The following LLGL2 variants were observed in gnomAD, a reference collection of about 807,000 sequenced individuals.
LLGL2 encodes LLGL scribble cell polarity complex component 2, also known as LLGL2, scribble cell polarity complex component.
Under a neutral mutation model 123.2 loss-of-function variants are expected in LLGL2, and 81 were observed. That is an observed-to-expected ratio of 0.66 (90% confidence interval 0.55 to 0.79). LLGL2 has a LOEUF of 0.79. Ranked by LOEUF, LLGL2 falls within the 30% of genes least tolerant of loss-of-function variation. The pLI, the probability that LLGL2 is intolerant of heterozygous loss-of-function variation, is 0.00. For missense variants in LLGL2, 1,273 were observed against 1,414.6 expected (o/e 0.90, Z 1.61); for synonymous variants, 577 against 594.1 (o/e 0.97, Z 0.42).
At chr17:75,557,009 A>G (rs1271682036) in intron 3 of LLGL2, among the ~76,000 whole-genome samples, 1 of 149,956 alleles carries the variant, frequency 6.7e-6, no homozygotes, top group Non-Finnish European at 1.5e-5. Flanking sequence ...AGCCTGGGCA[A>G]CAGAGTGAGA....
In LLGL2 at chr17:75,573,002, C is replaced by T. The variant is rs769270783; in HGVS notation, c.2461-12C>T. 3 of 1,593,392 alleles carry T rather than the reference C, an allele frequency of 1.9e-6. No individual in the cohort carries two copies. Among genetic ancestry groups the T allele is most frequent in the African/African-American group, 1.3e-5 (1 of 74,592 alleles). On this transcript the variant is annotated splice_polypyrimidine_tract_variant and intron_variant, in intron 19 of 25. Coordinates refer to ENST00000392550, the MANE Select transcript of LLGL2 (RefSeq NM_001031803.2). ...TTGGCCATGGGCATGAACAACCACC[C>T]CACGCCCCCAGGTGTTCACGCTGCC...
intron 2 of LLGL2, among the ~76,000 whole-genome samples, chr17:75,547,519 G>A (rs977208625): frequency 2.0e-5 from 3 of 152,222 alleles, no homozygotes; most frequent in Non-Finnish European, 4.4e-5. Flanking sequence ...TTCTTTGGCT[G>A]GGCTATGAAT....
chr17:75,525,754 G>A lies in LLGL2; in HGVS notation c.-102G>A, dbSNP rs2053537593. 6.8e-6 allele frequency: 1 copy of A among 147,252 alleles called. No individual in the cohort carries two copies. The highest frequency in any genetic ancestry group is 2.4e-5 in the African/African-American group (1 of 41,140). The allele number at this position is 147,252 out of a possible 1,614,324, so 9.1% of individuals were successfully genotyped here. On this transcript the variant is annotated 5_prime_UTR_variant, in exon 1 of 26. Coordinates refer to ENST00000392550, the MANE Select transcript of LLGL2 (RefSeq NM_001031803.2). The surrounding 1 kb of genome is among the most constrained non-coding windows in gnomAD (Gnocchi z 4.8). ...CCAGCAGCCCGTGGGCAGGCGCGGC[G>A]GAGCGAGCGGGGCCGGCGGCGGGCG...
At chr17:75,542,044 G>A (rs77865803) in intron 1 of LLGL2, among the ~76,000 whole-genome samples, 1,822 of 151,822 alleles carry the variant, frequency 0.012, 23 homozygotes, top group Middle Eastern at 0.017. Context: ...TTGTAAAATC[G>A]GGTCACCCTC....
chr17:75,568,552 G>T lies in LLGL2; in HGVS notation c.1113G>T (p.Trp371Cys). The change falls in exon 11 of 26, where the codon TGG (tryptophan) becomes TGT (cysteine). Residue 371 changes from tryptophan (W) to cysteine (C), a missense_variant. Physicochemically the swap from Trp to Cys is radical, Grantham distance 215. Transcript: ENST00000392550. ...TGATTGACCTGCAGACAGCAGGCTG[G>T]CCACCGGTCCAGCTGCCCTACCTGG... ...LVVIDLQTAG[W>C]PPVQLPYLAS... 1 of 1,613,692 alleles carries T rather than the reference G, an allele frequency of 6.2e-7. No individual in the cohort carries two copies. Among genetic ancestry groups the T allele is most frequent in the Non-Finnish European group, 8.5e-7 (1 of 1,180,004 alleles).
intron 1 of LLGL2, among the ~76,000 whole-genome samples, chr17:75,535,473 A>G (rs2053966101): frequency 6.6e-6 from 1 of 152,342 alleles, no homozygotes; most frequent in South Asian, 2.1e-4. Context: ...AATGAGATCA[A>G]TGGAACTTCC....
In LLGL2 at chr17:75,556,079, G is replaced by T. The variant is rs765238069; in HGVS notation, c.109G>T (p.Ala37Ser). Reference protein sequence around the residue: ...VEHGFPHQPSALGYSPSLRIL... With the variant: ...VEHGFPHQPSSLGYSPSLRIL... Reference sequence around the variant, plus strand: ...GCATGGCTTCCCGCACCAGCCCAGCGCCCTCGGCTACAGCCCGTCCCTGCG... The same window carrying T: ...GCATGGCTTCCCGCACCAGCCCAGCTCCCTCGGCTACAGCCCGTCCCTGCG... The change falls in exon 3 of 26, where the codon GCC becomes TCC. Residue 37 changes from alanine (A) to serine (S), a missense_variant. Transcript: ENST00000392550. The T allele has an allele frequency of 2.5e-6, 4 of 1,609,640 alleles. No individual in the cohort carries two copies. The South Asian group carries it at 3.3e-5, about 13-fold the overall frequency.
At position 75,558,527 on chromosome 17, in the gene LLGL2, C is replaced by A; in HGVS notation, c.271C>A (p.Leu91Met). Residue 91 changes from leucine to methionine, a missense_variant, in exon 5 of 26, where the codon CTG becomes ATG. By Grantham distance (15) the Leu-to-Met change is conservative (BLOSUM62 2). Coordinates refer to ENST00000392550, the MANE Select transcript of LLGL2 (RefSeq NM_001031803.2). This position sits in a 1 kb window ranked among gnomAD's most constrained non-coding sequence, Gnocchi z 4.0. Reference protein sequence around the residue: ...LLPGQCQLVTLLDDNSLHLWS... With the variant: ...LLPGQCQLVTMLDDNSLHLWS... ...CCCTCGCCAGTGCCAGCTGGTCACC[C>A]TGCTGGATGACAACAGCCTGCACCT... 1 of 1,601,984 alleles carries A rather than the reference C, an allele frequency of 6.2e-7. No homozygotes were observed. The highest frequency in any genetic ancestry group is 8.5e-7 in the Non-Finnish European group (1 of 1,174,870).
Position 75,527,151 on chromosome 17 carries a change from G to C in LLGL2, c.-31+1326G>C, listed in dbSNP as rs1163507893. Among the ~76,000 whole-genome samples, 4 of 137,230 alleles carry C rather than the reference G, an allele frequency of 2.9e-5. No homozygotes were observed. The Admixed American group carries it at 2.9e-4, about 10-fold the overall frequency. The allele number at this position is 137,230 out of a possible 152,430, so 90.0% of individuals were successfully genotyped here. A position where few individuals can be genotyped will look rare whatever the true frequency, so the allele number is the denominator to read the frequency against. The stretch of plus-strand genomic sequence containing the variant: ...GCCACCACACTCCAGCCTGGGGACA[G>C]AGTGAGACCCTGTCTCAAAAAAAAA... On this transcript the variant is annotated intron_variant, in intron 1 of 25. Coordinates refer to ENST00000392550, the MANE Select transcript of LLGL2 (RefSeq NM_001031803.2).
chr17:75,568,152 C>A (rs1291123132), intron 10 of LLGL2: 5 of 1,256,604 alleles, frequency 4.0e-6, no homozygotes, highest in Non-Finnish European at 5.0e-6. Context: ...GAGCAGGCCC[C>A]ATGGAGGAGA....
chr17:75,557,981 A>G, intron 3 of LLGL2, 174 bp from the exon 4 acceptor site: 2 of 737,034 alleles, frequency 2.7e-6, no homozygotes, highest in Admixed American at 3.7e-5. Context: ...CCCCAGGGCC[A>G]GGGCTGCTGT....
intron 1 of LLGL2, among the ~76,000 whole-genome samples, chr17:75,537,651 T>C (rs959267942): frequency 6.6e-6 from 1 of 151,268 alleles, no homozygotes; most frequent in Non-Finnish European, 1.5e-5. Context: ...GAGCTAAGAT[T>C]ACACCACTGC....
chr17:75,559,467 T>C lies in LLGL2; in HGVS notation c.530+57T>C. On this transcript the variant is annotated intron_variant, in intron 6 of 25. Transcript: ENST00000392550. This position sits in a 1 kb window ranked among gnomAD's most constrained non-coding sequence, Gnocchi z 4.6. Reference sequence around the variant, plus strand: ...ATCCCCTCAAGTTAGGCATGGCTTCTCCCCTTGGTCCCAGGACTCTGTCAG... The same window carrying C: ...ATCCCCTCAAGTTAGGCATGGCTTCCCCCCTTGGTCCCAGGACTCTGTCAG... 3 of 1,534,850 alleles carry C rather than the reference T, an allele frequency of 2.0e-6. No homozygotes were observed. Among genetic ancestry groups the C allele is most frequent in the Non-Finnish European group, 2.6e-6 (3 of 1,141,400 alleles).
chr17:75,538,945 T>C (rs1206221314), intron 1 of LLGL2, among the ~76,000 whole-genome samples: 1 of 151,980 alleles, frequency 6.6e-6, no homozygotes, highest in African/African-American at 2.4e-5. Context: ...CAGGCTGGAG[T>C]GCAGTGGTAC....
intron 2 of LLGL2, among the ~76,000 whole-genome samples, chr17:75,553,825 A>G (rs2054783992): frequency 6.6e-6 from 1 of 152,180 alleles, no homozygotes; most frequent in Non-Finnish European, 1.5e-5. Flanking sequence ...TTAACCCACA[A>G]TTCTATCCCT....
Position 75,570,267 on chromosome 17 carries a change from C to A in LLGL2, c.1874+12C>A. 2 of 1,598,024 alleles carry A rather than the reference C, an allele frequency of 1.3e-6. No individual in the cohort carries two copies. The highest frequency in any genetic ancestry group is 1.7e-6 in the Non-Finnish European group (2 of 1,171,796). ...CAGGTCTTTGTTAAGTGAGCAGGGG[C>A]GGCTGGGTCCCGGGGCTGGGAGTGG... On this transcript the variant is annotated intron_variant, in intron 15 of 25. Transcript: ENST00000392550.
intron 2 of LLGL2, among the ~76,000 whole-genome samples, chr17:75,550,286 C>G (rs1473482165): frequency 6.6e-6 from 1 of 152,214 alleles, no homozygotes; most frequent in East Asian, 1.9e-4. Context: ...TGAGCCCAAC[C>G]TCCTGTGCTC....
intron 3 of LLGL2, among the ~76,000 whole-genome samples, chr17:75,557,330 C>T (rs1412494772): frequency 6.6e-6 from 1 of 152,226 alleles, no homozygotes; most frequent in Non-Finnish European, 1.5e-5. Context: ...CCACAGGCGG[C>T]AGAGAGTGGA....
chr17:75,563,862 A>G (rs2055332982), intron 9 of LLGL2, 56 bp downstream of exon 9: 1 of 1,553,228 alleles, frequency 6.4e-7, no homozygotes. Flanking sequence ...AGGGCTAGAA[A>G]GGTCACTTAG....
Sources: gnomAD v4.1 joint callset for allele counts (sites outside exome capture counted in the v4.1 genomes callset) on GRCh38, gnomAD v4.1.1 for gene constraint, Gnocchi (gnomAD v3.1) non-coding constraint, MANE v1.5 for transcripts, NCBI Gene and HGNC (gene_info 2026-07-23, HGNC 2026-07-21) for gene names.